Variants in IGSF11 observed in about 807,000 individuals in gnomAD.
The protein encoded by IGSF11 is CXADR like 1.
A neutral mutation model predicts 41.0 loss-of-function variants in IGSF11; 22 were observed. That is an observed-to-expected ratio of 0.54 (90% CI 0.38 to 0.77). IGSF11 has a LOEUF of 0.77. Ranked by LOEUF, IGSF11 falls within the 30% of genes least tolerant of loss-of-function variation. IGSF11 has a pLI of 0.00. For missense variants in IGSF11, 444 were observed against 530.8 expected (o/e 0.84, Z 1.61); for synonymous variants, 219 against 201.3 (o/e 1.09, Z -0.74).
In IGSF11 at chr3:118,973,914, A is replaced by C. The variant is rs572400472; in HGVS notation, c.53-43639T>G. Reference sequence around the variant, plus strand: ...GGAGCTGAACAATGAGAACACACGCACACAGGGAGGGGAACAACACACACT... The same window carrying C: ...GGAGCTGAACAATGAGAACACACGCCCACAGGGAGGGGAACAACACACACT... On this transcript the variant is annotated intron_variant, in intron 1 of 6. Coordinates refer to ENST00000393775, the MANE Select transcript of IGSF11 (RefSeq NM_001015887.3). 2.6e-5 allele frequency among the ~76,000 whole-genome samples: 4 copies of C among 152,294 alleles called. No homozygotes were observed. The South Asian group carries it at 8.3e-4, about 32-fold the overall frequency.
At chr3:118,999,124 A>G (rs1473511764) in intron 1 of IGSF11, among the ~76,000 whole-genome samples, 2 of 152,084 alleles carry the variant, frequency 1.3e-5, no homozygotes, top group African/African-American at 4.8e-5. Context: ...AAAAAATCTG[A>G]CAATACTAAT....
intron 4 of IGSF11, among the ~76,000 whole-genome samples, chr3:118,924,562 C>T (rs2192365): frequency 0.17 from 26,092 of 151,944 alleles, 3,303 homozygotes; most frequent in African/African-American, 0.35. Flanking sequence ...AAGTTTTCAT[C>T]CGTCTCATTC....
chr3:118,961,188 C>T (rs1264827633), intron 1 of IGSF11, among the ~76,000 whole-genome samples: 1 of 152,216 alleles, frequency 6.6e-6, no homozygotes, highest in Non-Finnish European at 1.5e-5. Context: ...TACAAAGTGA[C>T]CCTCTTCCTG....
chr3:119,140,167 TAGTC>T lies in IGSF11; in HGVS notation c.-14+5642_-14+5645del, dbSNP rs559489181. On this transcript the variant is annotated intron_variant, in intron 1 of 7. Transcript: ENST00000425327. ...CTACTTATAAATCAAAAGGCAGAGA[TAGTC>T]AGAATGGACCCTCCCCCCAAAAAAA... is the stretch of plus-strand genomic sequence containing the variant. Among the ~76,000 whole-genome samples, 13 of 152,158 alleles carry T rather than the reference TAGTC, an allele frequency of 8.5e-5. No individual in the cohort carries two copies. In the South Asian group the frequency reaches 2.7e-3, roughly 32 times the overall value.
At chr3:119,109,854 A>G (rs532397631), upstream of IGSF11, among the ~76,000 whole-genome samples, 1 of 152,268 alleles carries the variant, frequency 6.6e-6, no homozygotes, top group East Asian at 1.9e-4. Flanking sequence ...TGTACCCAGT[A>G]GTCATTCAGG....
intron 1 of IGSF11, among the ~76,000 whole-genome samples, chr3:119,129,299 T>C (rs559540723): frequency 1.3e-5 from 2 of 151,930 alleles, no homozygotes; most frequent in South Asian, 4.2e-4. Context: ...TTAGAAGAAA[T>C]AAAGAAAAAT....
intron 1 of IGSF11, among the ~76,000 whole-genome samples, chr3:119,094,222 G>GAAAAAAAAAAAAAAA (rs1559863632): frequency 2.3e-4 from 1 of 4,326 alleles, no homozygotes; most frequent in Non-Finnish European, 5.7e-4. Context: ...ACATAGCGAA[G>GAAAAAAAAAAAAAAA]TAAAAAAAAA....
intron 1 of IGSF11, among the ~76,000 whole-genome samples, chr3:118,972,306 C>G (rs1181186646): frequency 6.6e-6 from 1 of 152,196 alleles, no homozygotes; most frequent in Non-Finnish European, 1.5e-5. Flanking sequence ...ATGGAAAATA[C>G]TAACCTATAA....
chr3:118,967,318 C>T (rs1390855820), intron 1 of IGSF11, among the ~76,000 whole-genome samples: 3 of 152,084 alleles, frequency 2.0e-5, no homozygotes, highest in Non-Finnish European at 4.4e-5. Context: ...GCATGATCTG[C>T]GTTAAATTTT....
intron 1 of IGSF11, among the ~76,000 whole-genome samples, chr3:118,978,180 T>G (rs999343431): frequency 3.3e-5 from 5 of 152,068 alleles, no homozygotes; most frequent in African/African-American, 7.2e-5. Flanking sequence ...CCTGATCCAG[T>G]CCACTGCCCG....
At chr3:119,015,424 A>G (rs35872) in intron 1 of IGSF11, among the ~76,000 whole-genome samples, 17,036 of 152,232 alleles carry the variant, frequency 0.11, 1,178 homozygotes, top group East Asian at 0.21. Flanking sequence ...TCCGTTATAA[A>G]CCTGGAGGAC....
chr3:118,926,301 G>A (rs776673851), intron 3 of IGSF11, 45 bp from the exon 4 acceptor site: 2 of 1,454,212 alleles, frequency 1.4e-6, no homozygotes, highest in Non-Finnish European at 1.9e-6. Flanking sequence ...TTTACTGTGA[G>A]CCATGTGATG....
At chr3:119,120,240 T>C (rs2077314243) in intron 1 of IGSF11, among the ~76,000 whole-genome samples, 1 of 151,884 alleles carries the variant, frequency 6.6e-6, no homozygotes, top group Admixed American at 6.6e-5. Flanking sequence ...AATCCAAGAG[T>C]GATCCCTAGA....
At chr3:119,112,396 G>C (rs2077189559) in intron 1 of IGSF11, among the ~76,000 whole-genome samples, 1 of 152,216 alleles carries the variant, frequency 6.6e-6, no homozygotes, top group African/African-American at 2.4e-5. Flanking sequence ...GACCCTCCGA[G>C]CCATGTGCGG....
chr3:118,939,261 A>G (rs1045326468), intron 1 of IGSF11, among the ~76,000 whole-genome samples: 2 of 152,090 alleles, frequency 1.3e-5, no homozygotes, highest in African/African-American at 4.8e-5. Flanking sequence ...AATCTAGAAA[A>G]CCATCATGTA....
rs367943836 is a variant in IGSF11 at position 118,928,544 on chromosome 3, C to G, written c.389G>C (p.Gly130Ala). The G allele has an allele frequency of 1.2e-6, 2 of 1,613,240 alleles. No homozygotes were observed. Among genetic ancestry groups the G allele is most frequent in the African/African-American group, 2.7e-5 (2 of 74,880 alleles). Residue 130 changes from glycine (G) to alanine (A), a missense_variant, in exon 3 of 7, where the codon GGC (glycine) becomes GCC (alanine). Gly to Ala is a moderately conservative substitution (Grantham distance 60). Coordinates refer to ENST00000393775, the MANE Select transcript of IGSF11 (RefSeq NM_001015887.3). Reference sequence around the variant, plus strand: ...GAGACCGGTGACCCCAATGTTCCTGCCCCCTATGTCTGGAAGGTTGTTGAC... The same window carrying G: ...GAGACCGGTGACCCCAATGTTCCTGGCCCCTATGTCTGGAAGGTTGTTGAC... ...CLVNNLPDIG[G>A]RNIGVTGLTV...
At chr3:119,010,786 CTT>C (rs1036276004) in intron 1 of IGSF11, among the ~76,000 whole-genome samples, 4 of 152,148 alleles carry the variant, frequency 2.6e-5, no homozygotes, top group African/African-American at 9.7e-5. Flanking sequence ...TAATGGTTTC[CTT>C]TCTCTGGAGA....
chr3:119,018,872 G>C (rs545146844), intron 1 of IGSF11, among the ~76,000 whole-genome samples: 5 of 152,318 alleles, frequency 3.3e-5, no homozygotes, highest in Non-Finnish European at 7.4e-5. Flanking sequence ...ATCAGAGCTG[G>C]CACTGAAGGC....
chr3:118,938,357 A>G (rs1331523955), intron 1 of IGSF11, among the ~76,000 whole-genome samples: 1 of 152,172 alleles, frequency 6.6e-6, no homozygotes, highest in African/African-American at 2.4e-5. Flanking sequence ...CTTTAGACAA[A>G]GCAGGAGCTT....
Sources: gnomAD v4.1 joint callset for allele counts (sites outside exome capture counted in the v4.1 genomes callset) on GRCh38, gnomAD v4.1.1 for gene constraint, MANE v1.5 for transcripts, NCBI Gene and HGNC (gene_info 2026-07-23, HGNC 2026-07-21) for gene names.